Variants in TPD52 observed in about 807,000 individuals in gnomAD.
TPD52 encodes the protein prostate and colon associated protein.
TPD52 carries 17 observed loss-of-function variants against 31.3 expected under a neutral mutation model. The observed-to-expected ratio is 0.54, with a 90% CI of 0.37 to 0.82. The LOEUF is 0.82. Among genes scored for constraint, TPD52 ranks in the 40% least tolerant of loss-of-function variants. The probability of loss-of-function intolerance (pLI) is 0.00; values close to 1 mark genes in which losing one functional copy is unlikely to be tolerated. For missense variants in TPD52, 212 were observed against 240.1 expected, an observed-to-expected ratio of 0.88 and a Z score of 0.77; for synonymous variants, 83 against 89.6, an observed-to-expected ratio of 0.93 and a Z score of 0.42.
chr8:80,145,234 T>C (rs896926908), intron 1 of TPD52, among the ~76,000 whole-genome samples: 1 of 152,216 alleles, frequency 6.6e-6, no homozygotes, highest in East Asian at 1.9e-4. Context: ...CTGCCCTGCA[T>C]GAACAGCTAA....
chr8:80,086,877 C>CAAAAAAAAAA (rs58864911), intron 1 of TPD52, among the ~76,000 whole-genome samples: 40 of 76,570 alleles, frequency 5.2e-4, no homozygotes, highest in South Asian at 1.3e-3. Context: ...GCTGTCTCAA[C>CAAAAAAAAAA]AAAAAAAAAA....
chr8:80,171,518 G>C lies in TPD52; in HGVS notation c.-75C>G. The C allele has an allele frequency of 6.8e-7, 1 of 1,479,998 alleles. No homozygotes were observed. The highest frequency in any genetic ancestry group is 1.3e-5 in the South Asian group (1 of 75,294). 91.7% of individuals were successfully genotyped at this position (1,479,998 alleles called of 1,614,324 possible). ...CGTCCCGGCTCGGATCGCCCGCCGC[G>C]CCGCGCAGAGCTCCTCCTCGCCTCC... is the stretch of plus-strand genomic sequence containing the variant. On this transcript the variant is annotated 5_prime_UTR_variant, in exon 1 of 8. Transcript: ENST00000518937.
At position 80,161,459 on chromosome 8, in the gene TPD52, C is replaced by T. The variant is rs114113180; in HGVS notation, c.19+9966G>A. ...AATATGAGAAATATTTATGGAGTAC[C>T]TACTACATTCATACTTGAACTGCAA... On this transcript the variant is annotated intron_variant, in intron 1 of 7. Transcript: ENST00000518937. 3.0e-3 allele frequency among the ~76,000 whole-genome samples: 450 copies of T among 152,210 alleles called. 7 individuals carry two copies. The highest frequency in any genetic ancestry group is 0.01 in the African/African-American group (434 of 41,542).
At chr8:80,087,148 C>T (rs1815872005) in intron 1 of TPD52, among the ~76,000 whole-genome samples, 1 of 151,934 alleles carries the variant, frequency 6.6e-6, no homozygotes, top group Non-Finnish European at 1.5e-5. Flanking sequence ...TTTTTTTCCC[C>T]CCATCAACTT....
At chr8:80,170,246 T>C (rs1327350675) in intron 1 of TPD52, among the ~76,000 whole-genome samples, 1 of 151,910 alleles carries the variant, frequency 6.6e-6, no homozygotes, top group Admixed American at 6.6e-5. Flanking sequence ...GAAACCTCTG[T>C]CTCTACTAAA....
chr8:80,129,691 T>G (rs142873258), intron 1 of TPD52, among the ~76,000 whole-genome samples: 1 of 148,780 alleles, frequency 6.7e-6, no homozygotes, highest in Admixed American at 6.9e-5. Flanking sequence ...TCTCAAATCC[T>G]AACTCTCATT....
At chr8:80,129,785 C>T (rs1808897345) in intron 1 of TPD52, among the ~76,000 whole-genome samples, 1 of 151,240 alleles carries the variant, frequency 6.6e-6, no homozygotes, top group Non-Finnish European at 1.5e-5. Context: ...CTGAAACCTC[C>T]ACCTCCCAGG....
intron 1 of TPD52, among the ~76,000 whole-genome samples, chr8:80,121,683 G>A (rs1395884090): frequency 6.6e-6 from 1 of 152,064 alleles, no homozygotes; most frequent in Non-Finnish European, 1.5e-5. Context: ...TAGTGCAAAT[G>A]CCTGGAATTA....
chr8:80,125,615 C>T (rs1337936330), intron 1 of TPD52, among the ~76,000 whole-genome samples: 1 of 151,804 alleles, frequency 6.6e-6, no homozygotes, highest in African/African-American at 2.4e-5. Context: ...ATGCCACTGA[C>T]TACAGGATGT....
intron 1 of TPD52, among the ~76,000 whole-genome samples, chr8:80,159,696 T>C (rs1463328109): frequency 1.3e-5 from 2 of 152,182 alleles, no homozygotes; most frequent in African/African-American, 4.8e-5. Flanking sequence ...GAACCTGACA[T>C]ACAGAAAACA....
chr8:80,054,464 C>G (rs1811668373), intron 2 of TPD52, among the ~76,000 whole-genome samples: 1 of 152,054 alleles, frequency 6.6e-6, no homozygotes, highest in African/African-American at 2.4e-5. Flanking sequence ...GTGGAAGAGA[C>G]TTTAGGTCCC....
At chr8:80,121,072 ACT>A (rs930500756) in intron 1 of TPD52, among the ~76,000 whole-genome samples, 5 of 149,330 alleles carry the variant, frequency 3.3e-5, no homozygotes, top group South Asian at 2.1e-4. Context: ...ACAGAGTGAG[ACT>A]CTGTCTCAAA....
rs143410943 is a variant in TPD52 at position 80,053,340 on chromosome 8, G to A, written c.226C>T (p.Leu76=). Reference sequence around the variant, plus strand: ...GCAATGTTCTGTTTTAGTTCCTGTAGAGAATTGATTCCAAGTTTCCGCTTG... The same window carrying A: ...GCAATGTTCTGTTTTAGTTCCTGTAAAGAATTGATTCCAAGTTTCCGCTTG... ...EIKRKLGINS[L]QELKQNIAKG... The change falls in exon 3 of 8, where the codon CTA becomes TTA. Residue 76 remains leucine (L), a synonymous_variant. Coordinates refer to ENST00000518937, the MANE Select transcript of TPD52 (RefSeq NM_001025253.3). The A allele has an allele frequency of 6.2e-7, 1 of 1,613,642 alleles. No homozygotes were observed.
chr8:80,090,502 C>A (rs1414222851), intron 1 of TPD52, among the ~76,000 whole-genome samples: 2 of 152,222 alleles, frequency 1.3e-5, no homozygotes, highest in Non-Finnish European at 2.9e-5. Context: ...TGCTGTCCCT[C>A]ACCCAGGGGC....
chr8:80,070,197 C>T (rs2130741210), intron 1 of TPD52, among the ~76,000 whole-genome samples: 1 of 152,158 alleles, frequency 6.6e-6, no homozygotes, highest in East Asian at 1.9e-4. Context: ...TGCTTGGGTG[C>T]AGCCCCAACC....
At chr8:80,163,648 T>C (rs1463342355) in intron 1 of TPD52, among the ~76,000 whole-genome samples, 3 of 152,186 alleles carry the variant, frequency 2.0e-5, no homozygotes, top group East Asian at 1.9e-4. Context: ...AAAGAGGGCA[T>C]TGACAGTTAT....
At chr8:80,134,651 A>T (rs1054023634) in intron 1 of TPD52, among the ~76,000 whole-genome samples, 2 of 152,156 alleles carry the variant, frequency 1.3e-5, no homozygotes, top group Non-Finnish European at 2.9e-5. Context: ...TGTGTCATGA[A>T]GACACTCAGG....
intron 1 of TPD52, among the ~76,000 whole-genome samples, chr8:80,065,183 C>T (rs929832238): frequency 4.0e-5 from 6 of 151,600 alleles, no homozygotes; most frequent in African/African-American, 7.3e-5. Context: ...GACAGGGTGT[C>T]GCTATGTTGC....
intron 1 of TPD52, among the ~76,000 whole-genome samples, chr8:80,104,134 G>A (rs1038262729): frequency 1.3e-5 from 2 of 152,180 alleles, no homozygotes; most frequent in East Asian, 1.9e-4. Flanking sequence ...GGGAGGTGGT[G>A]TGGATCTCTA....
Sources: gnomAD v4.1 joint callset for allele counts (sites outside exome capture counted in the v4.1 genomes callset) on GRCh38, gnomAD v4.1.1 for gene constraint, MANE v1.5 for transcripts, NCBI Gene and HGNC (gene_info 2026-07-23, HGNC 2026-07-21) for gene names.